The following GLIS1 variants were observed in gnomAD, a reference collection of about 807,000 sequenced individuals.
GLIS1 encodes zinc finger protein GLIS1.
Under a neutral mutation model 63.8 loss-of-function variants are expected in GLIS1, and 24 were observed. The ratio of observed to expected loss-of-function variants is 0.38; its 90% CI spans 0.27 to 0.53. The LOEUF (loss-of-function observed/expected upper bound fraction) is 0.53, where lower values mean the gene tolerates loss of function less well. Ranked by LOEUF, GLIS1 falls within the 20% of genes least tolerant of loss-of-function variation. The pLI is 0.85. For synonymous variants in GLIS1, 450 were observed against 482.5 expected, an observed-to-expected ratio of 0.93 and a Z score of 0.88; for missense variants, 1,036 against 1,074.1, an observed-to-expected ratio of 0.96 and a Z score of 0.50.
chr1:53,681,447 G>A (rs1646273718), intron 2 of GLIS1, among the ~76,000 whole-genome samples: 1 of 152,378 alleles, frequency 6.6e-6, no homozygotes, highest in South Asian at 2.1e-4. Context: ...TATACTGGCT[G>A]GAGCCAGAAA....
chr1:53,522,183 A>G (rs1427236747), intron 6 of GLIS1, among the ~76,000 whole-genome samples: 2 of 152,282 alleles, frequency 1.3e-5, no homozygotes, highest in African/African-American at 4.8e-5. Context: ...GGAGAGGAGA[A>G]TTAAGGAAGA....
At chr1:53,563,527 G>A (rs1387910537) in intron 4 of GLIS1, among the ~76,000 whole-genome samples, 9 of 152,136 alleles carry the variant, frequency 5.9e-5, no homozygotes, top group Admixed American at 4.6e-4. Context: ...ACACAGGTAA[G>A]CCAGAAGAAA....
intron 2 of GLIS1, among the ~76,000 whole-genome samples, chr1:53,731,585 G>A (rs1345362085): frequency 2.0e-5 from 3 of 152,164 alleles, no homozygotes; most frequent in Non-Finnish European, 4.4e-5. Context: ...AGGCTCTGTT[G>A]CTTACTACAT....
intron 4 of GLIS1, among the ~76,000 whole-genome samples, chr1:53,551,265 T>C (rs1644756570): frequency 6.6e-6 from 1 of 152,248 alleles, no homozygotes; most frequent in Admixed American, 6.5e-5. Flanking sequence ...GTTCTCTTTT[T>C]CTGGTTTGCC....
At chr1:53,540,186 G>A (rs369095904) in intron 4 of GLIS1, among the ~76,000 whole-genome samples, 9 of 152,252 alleles carry the variant, frequency 5.9e-5, no homozygotes, top group Middle Eastern at 3.4e-3. Context: ...AGACCCCAGC[G>A]GTGAGCCTCG....
Position 53,721,119 on chromosome 1 carries a change from T to C in GLIS1, c.259+16687A>G, listed in dbSNP as rs184960841. Among the ~76,000 whole-genome samples, 827 of 151,610 alleles carry C rather than the reference T, an allele frequency of 5.5e-3. 6 individuals carry two copies. The highest frequency in any genetic ancestry group is 0.013 in the Admixed American group (190 of 15,198). ...TTTTATTTATAAATTTTTTATAAAA[T>C]AAATAAAAATCATGTATTGAATGAC... On this transcript the variant is annotated intron_variant, in intron 2 of 10. Coordinates refer to ENST00000628545, the MANE Select transcript of GLIS1 (RefSeq NM_001367484.1).
chr1:53,733,395 G>A (rs1237368172), intron 2 of GLIS1, among the ~76,000 whole-genome samples: 1 of 152,190 alleles, frequency 6.6e-6, no homozygotes, highest in Non-Finnish European at 1.5e-5. Context: ...GACTATCGAT[G>A]TGATTCCACA....
chr1:53,610,256 T>C (rs946283992), intron 2 of GLIS1, among the ~76,000 whole-genome samples: 1 of 152,238 alleles, frequency 6.6e-6, no homozygotes, highest in Non-Finnish European at 1.5e-5. Flanking sequence ...AGTGCCATAG[T>C]AATAGTTAAT....
At position 53,587,431 on chromosome 1, in the gene GLIS1, G is replaced by GAGGCAAGTTC. The variant is rs1553126714; in HGVS notation, c.1320+6676_1320+6677insGAACTTGCCT. On this transcript the variant is annotated intron_variant, in intron 4 of 10. Transcript: ENST00000628545. ...ATCCTAGATTGAGTTGAGGCAAGTTGAGGATAGACTTGGTGGCTTGAGTGG... is the reference window on the plus strand; with the variant it reads ...ATCCTAGATTGAGTTGAGGCAAGTTGAGGCAAGTTCAGGATAGACTTGGTGGCTTGAGTGG... Among the ~76,000 whole-genome samples the GAGGCAAGTTC allele has an allele frequency of 2.6e-5, 4 of 152,326 alleles. No homozygotes were observed. In the East Asian group the frequency reaches 7.7e-4, roughly 29 times the overall value.
intron 2 of GLIS1, among the ~76,000 whole-genome samples, chr1:53,692,320 CCA>C (rs1646414400): frequency 6.6e-6 from 1 of 152,192 alleles, no homozygotes. Context: ...CCATGGCTCC[CCA>C]CTGCCTGAAG....
At chr1:53,615,014 C>T (rs931625617) in intron 2 of GLIS1, among the ~76,000 whole-genome samples, 2 of 151,986 alleles carry the variant, frequency 1.3e-5, no homozygotes, top group African/African-American at 4.8e-5. Flanking sequence ...AAATATTTCA[C>T]ATTGTTTTAA....
intron 2 of GLIS1, among the ~76,000 whole-genome samples, chr1:53,709,411 T>TATAC (rs1646621092): frequency 7.4e-4 from 11 of 14,892 alleles, no homozygotes; most frequent in African/African-American, 9.3e-4. Context: ...CATATATATA[T>TATAC]ACACACACAC....
chr1:53,596,792 G>C (rs1298412884), intron 3 of GLIS1, among the ~76,000 whole-genome samples: 1 of 152,136 alleles, frequency 6.6e-6, no homozygotes, highest in East Asian at 1.9e-4. Flanking sequence ...GGGAGCTGCT[G>C]AGATGGGGAT....
intron 4 of GLIS1, among the ~76,000 whole-genome samples, chr1:53,592,145 C>T (rs1645197978): frequency 6.6e-6 from 1 of 152,186 alleles, no homozygotes; most frequent in Admixed American, 6.5e-5. Context: ...TCCTGGCAGC[C>T]TGGCCGCAGA....
intron 4 of GLIS1, among the ~76,000 whole-genome samples, chr1:53,581,210 T>A (rs994691178): frequency 7.9e-5 from 12 of 152,196 alleles, no homozygotes; most frequent in African/African-American, 2.9e-4. Context: ...AAGTGGGTGC[T>A]GAGCACCACT....
intron 2 of GLIS1, among the ~76,000 whole-genome samples, chr1:53,681,764 C>T (rs1160744966): frequency 6.6e-6 from 1 of 150,550 alleles, no homozygotes; most frequent in Non-Finnish European, 1.5e-5. Context: ...AGGACCTACC[C>T]TTAGGGAGCA....
At chr1:53,676,245 G>T (rs1390357607) in intron 2 of GLIS1, among the ~76,000 whole-genome samples, 2 of 152,208 alleles carry the variant, frequency 1.3e-5, no homozygotes, top group Non-Finnish European at 2.9e-5. Flanking sequence ...CACTTAAGGG[G>T]TGGGGACAAG....
At chr1:53,601,429 C>T (rs11206178) in intron 2 of GLIS1, among the ~76,000 whole-genome samples, 122,429 of 152,136 alleles carry the variant, frequency 0.8, 54,041 homozygotes, top group Non-Finnish European at 0.99. Flanking sequence ...ATGGCCAACC[C>T]TGAGAAAGAT....
At chr1:53,634,415 AG>A (rs1445460777) in intron 2 of GLIS1, among the ~76,000 whole-genome samples, 1 of 152,232 alleles carries the variant, frequency 6.6e-6, no homozygotes, top group Non-Finnish European at 1.5e-5. Flanking sequence ...GAGGAAGAGT[AG>A]CCAGAGGGGA....
Sources: gnomAD v4.1 joint callset for allele counts (sites outside exome capture counted in the v4.1 genomes callset) on GRCh38, gnomAD v4.1.1 for gene constraint, MANE v1.5 for transcripts, NCBI Gene and HGNC (gene_info 2026-07-23, HGNC 2026-07-21) for gene names.